Variants in CDK5RAP2 observed in about 807,000 individuals in gnomAD.
The protein encoded by CDK5RAP2 is CDK5 regulatory subunit associated protein 2, also known as CDK5 regulatory subunit-associated protein 2.
Under a neutral mutation model 232.9 loss-of-function variants are expected in CDK5RAP2, and 147 were observed. The ratio of observed to expected loss-of-function variants is 0.63; its 90% CI spans 0.55 to 0.72. The LOEUF is 0.72. Among genes scored for constraint, CDK5RAP2 ranks in the 30% least tolerant of loss-of-function variants. The pLI is 0.00. For synonymous variants in CDK5RAP2, 833 were observed against 833.7 expected, an observed-to-expected ratio of 1.00 and a Z score of 0.01; for missense variants, 2,195 against 2,231.5, an observed-to-expected ratio of 0.98 and a Z score of 0.33.
At chr9:120,532,228 T>C (rs1161878392) in intron 7 of CDK5RAP2, among the ~76,000 whole-genome samples, 1 of 152,154 alleles carries the variant, frequency 6.6e-6, no homozygotes, top group Non-Finnish European at 1.5e-5. Flanking sequence ...TTTTACATAC[T>C]GGCAACTAAT....
Position 120,520,742 on chromosome 9 carries a change from T to A in CDK5RAP2, c.1093-2097A>T, listed in dbSNP as rs1370831542. ...CATGATATATCATATATGTATCATG[T>A]GATATCTCATATCTCATGAGATATA... is the stretch of plus-strand genomic sequence containing the variant. On this transcript the variant is annotated intron_variant, in intron 11 of 37. Transcript: ENST00000349780. 2.8e-4 allele frequency among the ~76,000 whole-genome samples: 42 copies of A among 148,620 alleles called. 3 individuals are homozygous for A. In the East Asian group the frequency reaches 7.4e-3, roughly 26 times the overall value.
chr9:120,553,674 T>C (rs1004452700), intron 3 of CDK5RAP2, among the ~76,000 whole-genome samples: 2 of 152,260 alleles, frequency 1.3e-5, no homozygotes, highest in Admixed American at 6.5e-5. Flanking sequence ...GGTTATAGGG[T>C]ATGCTCCTTT....
intron 19 of CDK5RAP2, among the ~76,000 whole-genome samples, chr9:120,460,353 C>A (rs796313585): frequency 3.9e-5 from 6 of 152,260 alleles, no homozygotes; most frequent in African/African-American, 1.4e-4. Flanking sequence ...TTTTTATTTG[C>A]AAGTTTATGC....
Position 120,470,812 on chromosome 9 carries a change from G to A in CDK5RAP2, c.1859-592C>T, listed in dbSNP as rs919989059. Among the ~76,000 whole-genome samples, 15 of 151,722 alleles carry A rather than the reference G, an allele frequency of 9.9e-5. No homozygotes were observed. The South Asian group carries it at 1.5e-3, about 15-fold the overall frequency. ...AATAGGAAGGGGAGAAGTGGGGGGCGGGGGGAAGATGTGTGTATATGTGTA... is the reference window on the plus strand; with the variant it reads ...AATAGGAAGGGGAGAAGTGGGGGGCAGGGGGAAGATGTGTGTATATGTGTA... On this transcript the variant is annotated intron_variant, in intron 16 of 37. Coordinates refer to ENST00000349780, the MANE Select transcript of CDK5RAP2 (RefSeq NM_018249.6).
chr9:120,402,076 G>A (rs2033072190), intron 34 of CDK5RAP2, among the ~76,000 whole-genome samples: 1 of 152,126 alleles, frequency 6.6e-6, no homozygotes, highest in African/African-American at 2.4e-5. Flanking sequence ...AGGATCATTT[G>A]AGCCCAGGAG....
chr9:120,449,260 C>A (rs1564233584), intron 21 of CDK5RAP2, among the ~76,000 whole-genome samples: 1 of 152,210 alleles, frequency 6.6e-6, no homozygotes, highest in Non-Finnish European at 1.5e-5. Context: ...AAATAGCATT[C>A]ATTAAAACTC....
At chr9:120,416,398 GATACTGCAAGGAAGACTAAATAT>G (rs1253841240) in intron 27 of CDK5RAP2, among the ~76,000 whole-genome samples, 9 of 152,220 alleles carry the variant, frequency 5.9e-5, no homozygotes, top group Admixed American at 5.9e-4. Flanking sequence ...CATTATGAAG[GATACTGCAAGGAAGACTAAATAT>G]ATACTTCACA....
chr9:120,540,574 T>A (rs7875141), intron 5 of CDK5RAP2, among the ~76,000 whole-genome samples: 2 of 152,118 alleles, frequency 1.3e-5, no homozygotes, highest in East Asian at 3.9e-4. Context: ...CAGTGTCATA[T>A]CATTTTAATG....
At chr9:120,569,230 T>C (rs1308358293) in intron 2 of CDK5RAP2, among the ~76,000 whole-genome samples, 4 of 152,198 alleles carry the variant, frequency 2.6e-5, no homozygotes, top group Non-Finnish European at 1.5e-5. Context: ...TTTCAAAATA[T>C]ATGCACTGAG....
At chr9:120,533,795 T>C (rs1335876225) in intron 7 of CDK5RAP2, among the ~76,000 whole-genome samples, 1 of 93,168 alleles carries the variant, frequency 1.1e-5, no homozygotes, top group East Asian at 3.7e-4. Flanking sequence ...TAAGACTCCA[T>C]CTAAAAAAAA....
chr9:120,411,199 G>A (rs1204818392), intron 29 of CDK5RAP2, among the ~76,000 whole-genome samples, 159 bp downstream of exon 29: 2 of 152,176 alleles, frequency 1.3e-5, no homozygotes, highest in African/African-American at 2.4e-5. Context: ...CTATAAAACA[G>A]AAACACCTCA....
At chr9:120,489,183 T>C (rs1223416078) in intron 13 of CDK5RAP2, among the ~76,000 whole-genome samples, 1 of 152,242 alleles carries the variant, frequency 6.6e-6, no homozygotes, top group South Asian at 2.1e-4. Context: ...TCTTCTGGTT[T>C]CCAATGTTGC....
chr9:120,411,685 G>A (rs1448535523), intron 28 of CDK5RAP2, among the ~76,000 whole-genome samples: 1 of 152,170 alleles, frequency 6.6e-6, no homozygotes, highest in Non-Finnish European at 1.5e-5. Context: ...CTTACCTAAG[G>A]GAGAACAAAG....
At chr9:120,525,191 T>A (rs933840753) in intron 10 of CDK5RAP2, 113 bp from the exon 11 acceptor site, 1 of 824,868 alleles carries the variant, frequency 1.2e-6, no homozygotes, top group Non-Finnish European at 2.0e-6. Context: ...GGCTTTGTAG[T>A]CAGAAGAGAT....
intron 28 of CDK5RAP2, among the ~76,000 whole-genome samples, chr9:120,413,865 C>T (rs2034038839): frequency 6.6e-6 from 1 of 150,642 alleles, no homozygotes; most frequent in Admixed American, 6.6e-5. Context: ...AGGGAGAGGG[C>T]GAGATGGAGC....
chr9:120,486,592 T>C (rs764098145), intron 14 of CDK5RAP2, among the ~76,000 whole-genome samples: 4 of 152,116 alleles, frequency 2.6e-5, no homozygotes, highest in Non-Finnish European at 4.4e-5. Flanking sequence ...CCCATGGTGC[T>C]GTACAGGAGC....
At chr9:120,514,194 C>T (rs868332500) in intron 12 of CDK5RAP2, among the ~76,000 whole-genome samples, 5 of 152,194 alleles carry the variant, frequency 3.3e-5, no homozygotes, top group African/African-American at 7.2e-5. Flanking sequence ...AAGGTAGTCA[C>T]GATGAGATGC....
chr9:120,408,160 C>T, intron 31 of CDK5RAP2, 187 bp downstream of exon 31: 1 of 734,448 alleles, frequency 1.4e-6, no homozygotes. Context: ...AGCCTCAGTC[C>T]TTCTATGTTT....
At chr9:120,546,476 T>C (rs943710841) in intron 4 of CDK5RAP2, among the ~76,000 whole-genome samples, 1 of 152,206 alleles carries the variant, frequency 6.6e-6, no homozygotes, top group African/African-American at 2.4e-5. Flanking sequence ...ATGAGACAGC[T>C]GAACAGTGGC....
Sources: allele counts gnomAD v4.1 joint callset (sites outside exome capture counted in the v4.1 genomes callset), GRCh38; gene constraint gnomAD v4.1.1; transcripts MANE v1.5; gene names NCBI Gene and HGNC (gene_info 2026-07-23, HGNC 2026-07-21).